TMOD4: variants seen among roughly 807,000 people sequenced by gnomAD.
TMOD4 encodes tropomodulin 4.
TMOD4 carries 34 observed loss-of-function variants against 45.4 expected under a neutral mutation model. The ratio of observed to expected loss-of-function variants is 0.75; its 90% CI spans 0.57 to 1.00. The LOEUF (loss-of-function observed/expected upper bound fraction) is 1.00, where lower values mean the gene tolerates loss of function less well. Among genes scored for constraint, TMOD4 ranks in the 50% least tolerant of loss-of-function variants. The pLI is 0.00. For missense variants in TMOD4, 399 were observed against 437.5 expected, an observed-to-expected ratio of 0.91 and a Z score of 0.78; for synonymous variants, 131 against 153.9, an observed-to-expected ratio of 0.85 and a Z score of 1.10.
chr1:151,175,338 C>T (rs2101717264), intron 1 of TMOD4: 1 of 155,748 alleles, frequency 6.4e-6, no homozygotes, highest in Non-Finnish European at 1.4e-5. Flanking sequence ...TTCCTCCTCT[C>T]CTCCTCATAA....
chr1:151,170,863 C>A, intron 8 of TMOD4, 57 bp downstream of exon 8: 1 of 1,592,674 alleles, frequency 6.3e-7, no homozygotes, highest in Non-Finnish European at 8.6e-7. Flanking sequence ...CACTGGCTGG[C>A]TCAGGGAGGA....
chr1:151,170,533 C>G lies in TMOD4; in HGVS notation c.1001G>C (p.Arg334Pro). Residue 334 changes from arginine to proline, a missense_variant, in exon 9 of 10, where the codon CGA becomes CCA. By Grantham distance (103) the Arg-to-Pro change is moderately radical. Transcript: ENST00000295314. ...PRARAAQAMTRNNELRRQQKK... is the reference protein window; with the variant it reads ...PRARAAQAMTPNNELRRQQKK... The stretch of plus-strand genomic sequence containing the variant: ...CAGTTACTCACGTAGTTCATTGTTT[C>G]GGGTCATGGCCTGGGCTGCCCGAGC... 1 of 1,614,154 alleles carries G rather than the reference C, an allele frequency of 6.2e-7. No homozygotes were observed. Among genetic ancestry groups the G allele is most frequent in the Non-Finnish European group, 8.5e-7 (1 of 1,180,028 alleles).
Position 151,174,905 on chromosome 1 carries a change from G to A in TMOD4, c.-30C>T. The stretch of plus-strand genomic sequence containing the variant: ...GCCCCCACCCCCTCCCCACTGTGTG[G>A]TACTCACAGAGCCTGGGCAACATGG... On this transcript the variant is annotated 5_prime_UTR_variant, in exon 2 of 10. Transcript: ENST00000295314. 6.2e-7 allele frequency: 1 copy of A among 1,613,716 alleles called. No individual in the cohort carries two copies. Among genetic ancestry groups the A allele is most frequent in the Non-Finnish European group, 8.5e-7 (1 of 1,179,800 alleles).
chr1:151,171,676 C>T lies in TMOD4; in HGVS notation c.575G>A (p.Ser192Asn). 6.2e-7 allele frequency: 1 copy of T among 1,614,082 alleles called. No homozygotes were observed. The highest frequency in any genetic ancestry group is 1.1e-5 in the South Asian group (1 of 91,080). Residue 192 changes from serine (S) to asparagine (N), a missense_variant, in exon 6 of 10, where the codon AGC becomes AAC. Physicochemically the swap from Ser to Asn is conservative, Grantham distance 46. Coordinates refer to ENST00000295314, the MANE Select transcript of TMOD4 (RefSeq NM_013353.3). ...CACCTCCTCCAGCTCCTTGTCATTG[C>T]TTCGGACCCTCTTTAGTATCTCCTC... ...NIEEILKRVR[S>N]NDKELEEVNL...
intron 4 of TMOD4, 105 bp from the exon 5 acceptor site, chr1:151,172,462 T>G: frequency 1.1e-6 from 1 of 878,520 alleles, no homozygotes; most frequent in Non-Finnish European, 1.8e-6. Context: ...CCTGACCACT[T>G]ACACTTTGCC....
In TMOD4 at chr1:151,175,193, C is replaced by A. The variant is rs1389411869; in HGVS notation, c.-42-276G>T. On this transcript the variant is annotated intron_variant, in intron 1 of 9. Coordinates refer to ENST00000295314, the MANE Select transcript of TMOD4 (RefSeq NM_013353.3). ...TATGACAGAGAAATCCTGGCAGCAC[C>A]CCTCCCCTATAACCTCACTTGTCAG... 5 of 320,752 alleles carry A rather than the reference C, an allele frequency of 1.6e-5. No individual in the cohort carries two copies. In the East Asian group the frequency reaches 3.3e-4, roughly 21 times the overall value. 19.9% of individuals were successfully genotyped at this position (320,752 alleles called of 1,614,324 possible). A position where few individuals can be genotyped will look rare whatever the true frequency, so the allele number is the denominator to read the frequency against.
intron 7 of TMOD4, among the ~76,000 whole-genome samples, 183 bp from the exon 8 acceptor site, chr1:151,171,246 G>T (rs1683944408): frequency 6.6e-6 from 1 of 152,196 alleles, no homozygotes; most frequent in Non-Finnish European, 1.5e-5. Flanking sequence ...TGAATGTGCA[G>T]TGGGACTAGG....
At chr1:151,174,037 A>G (rs1350600928) in intron 3 of TMOD4, among the ~76,000 whole-genome samples, 1 of 152,162 alleles carries the variant, frequency 6.6e-6, no homozygotes, top group Non-Finnish European at 1.5e-5. Flanking sequence ...AACACAGTGA[A>G]ACCCCATCTC....
At chr1:151,174,191 G>A (rs587624637) in intron 3 of TMOD4, among the ~76,000 whole-genome samples, 200 bp downstream of exon 3, 1 of 152,178 alleles carries the variant, frequency 6.6e-6, no homozygotes, top group South Asian at 2.1e-4. Context: ...ACTCCAGCCT[G>A]GGCAACAGAG....
chr1:151,173,769 CT>C (rs1379834334), intron 3 of TMOD4, among the ~76,000 whole-genome samples, 154 bp from the exon 4 acceptor site: 1 of 152,242 alleles, frequency 6.6e-6, no homozygotes, highest in Non-Finnish European at 1.5e-5. Flanking sequence ...CCTTAGCCCC[CT>C]GATCTCTCAA....
intron 7 of TMOD4, 44 bp downstream of exon 7, chr1:151,171,389 A>G (rs772838854): frequency 1.3e-6 from 2 of 1,533,476 alleles, no homozygotes; most frequent in South Asian, 1.1e-5. Flanking sequence ...CAACAGGTGC[A>G]TGTAAGATGT....
intron 7 of TMOD4, 21 bp from the exon 8 acceptor site, chr1:151,171,084 T>C: frequency 2.5e-6 from 4 of 1,612,748 alleles, no homozygotes; most frequent in Non-Finnish European, 3.4e-6. Flanking sequence ...GGGACTTGGG[T>C]TAGGATTAGG....
chr1:151,170,667 G>T lies in TMOD4; in HGVS notation c.871-4C>A, dbSNP rs374382360. 3.7e-6 allele frequency: 6 copies of T among 1,613,802 alleles called. No individual in the cohort carries two copies. In the African/African-American group the frequency reaches 8.0e-5, roughly 22 times the overall value. ...CTGCATCACCAGGCCACTGGCGCTGGGGGAGGGAGAGGCAAAAGCTGACAG... is the reference window on the plus strand; with the variant it reads ...CTGCATCACCAGGCCACTGGCGCTGTGGGAGGGAGAGGCAAAAGCTGACAG... On this transcript the variant is annotated splice_polypyrimidine_tract_variant and splice_region_variant and intron_variant, in intron 8 of 9. Transcript: ENST00000295314.
At chr1:151,174,323 G>T in intron 3 of TMOD4, 68 bp downstream of exon 3, 1 of 1,548,718 alleles carries the variant, frequency 6.5e-7, no homozygotes, top group African/African-American at 1.4e-5. Flanking sequence ...GGAAACTGGA[G>T]TGGGGACGAG....
intron 7 of TMOD4, 36 bp from the exon 8 acceptor site, chr1:151,171,099 A>G (rs781128269): frequency 2.5e-6 from 4 of 1,607,110 alleles, no homozygotes; most frequent in Admixed American, 1.7e-5. Flanking sequence ...ATTAGGGAAC[A>G]GTTTCACAGA....
Position 151,171,755 on chromosome 1 carries a change from G to C in TMOD4, c.496C>G (p.Gln166Glu). 1 of 1,613,782 alleles carries C rather than the reference G, an allele frequency of 6.2e-7. No homozygotes were observed. Among genetic ancestry groups the C allele is most frequent in the Non-Finnish European group, 8.5e-7 (1 of 1,179,948 alleles). The stretch of plus-strand genomic sequence containing the variant: ...GGCACTGGCTTATACTTGTCAGGCT[G>C]TACCACACCTGGTGAATGAGGGCAG... ...CNTEGISSVV[Q>E]PDKYKPVPDE... Residue 166 changes from glutamine (Q) to glutamate (E), a missense_variant, in exon 6 of 10, where the codon CAG (glutamine) becomes GAG (glutamate). Physicochemically the swap from Gln to Glu is conservative, Grantham distance 29. Coordinates refer to ENST00000295314, the MANE Select transcript of TMOD4 (RefSeq NM_013353.3).
chr1:151,171,751 G>T lies in TMOD4; in HGVS notation c.500C>A (p.Pro167His), dbSNP rs751134490. The change falls in exon 6 of 10, where the codon CCT becomes CAT. Residue 167 changes from proline (P) to histidine (H), a missense_variant. Physicochemically the swap from Pro to His is moderately conservative, Grantham distance 77. Transcript: ENST00000295314. ...NTEGISSVVQ[P>H]DKYKPVPDEP... ...ATCCGGCACTGGCTTATACTTGTCA[G>T]GCTGTACCACACCTGGTGAATGAGG... 6.2e-7 allele frequency: 1 copy of T among 1,613,866 alleles called. No individual in the cohort carries two copies. The highest frequency in any genetic ancestry group is 1.3e-5 in the African/African-American group (1 of 74,848).
In TMOD4 at chr1:151,172,353, A is replaced by C; in HGVS notation, c.402T>G (p.Ile134Met). 6.2e-7 allele frequency: 1 copy of C among 1,612,744 alleles called. No homozygotes were observed. Among genetic ancestry groups the C allele is most frequent in the Non-Finnish European group, 8.5e-7 (1 of 1,178,924 alleles). ...TDAEMCDIAA[I>M]LDMYTLMSNK... ...TACTCATCAGTGTGTACATGTCCAG[A>C]ATTGCTGGAGAGGGTAAGAAGAGGA... Residue 134 changes from isoleucine to methionine, a missense_variant, in exon 5 of 10, where the codon ATT (isoleucine) becomes ATG (methionine). Ile to Met is a conservative substitution (Grantham distance 10). Coordinates refer to ENST00000295314, the MANE Select transcript of TMOD4 (RefSeq NM_013353.3).
At chr1:151,172,654 A>G (rs1320276042) in intron 4 of TMOD4, among the ~76,000 whole-genome samples, 5 of 151,742 alleles carry the variant, frequency 3.3e-5, no homozygotes, top group Admixed American at 2.6e-4. Flanking sequence ...TCCCCCCGAG[A>G]CGGAGTCTCA....
Sources: allele counts gnomAD v4.1 joint callset (sites outside exome capture counted in the v4.1 genomes callset), GRCh38; gene constraint gnomAD v4.1.1; transcripts MANE v1.5; gene names NCBI Gene and HGNC (gene_info 2026-07-23, HGNC 2026-07-21).